Variants in VPS13B observed in about 807,000 individuals in gnomAD.
The protein encoded by VPS13B is intermembrane lipid transfer protein VPS13B.
A neutral mutation model predicts 426.4 loss-of-function variants in VPS13B; 285 were observed. The ratio of observed to expected loss-of-function variants is 0.67; its 90% confidence interval spans 0.61 to 0.74. The LOEUF (loss-of-function observed/expected upper bound fraction) is 0.74, where lower values mean the gene tolerates loss of function less well. Among genes scored for constraint, VPS13B ranks in the 30% least tolerant of loss-of-function variants. The probability of loss-of-function intolerance (pLI) is 0.00; values close to 1 mark genes in which losing one functional copy is unlikely to be tolerated. For synonymous variants in VPS13B, 1,676 were observed against 1,676.4 expected, an observed-to-expected ratio of 1.00 and a Z score of 0.01; for missense variants, 4,537 against 4,782.6, an observed-to-expected ratio of 0.95 and a Z score of 1.51.
intron 30 of VPS13B, among the ~76,000 whole-genome samples, chr8:99,552,602 A>T (rs1824340453): frequency 6.7e-6 from 1 of 148,752 alleles, no homozygotes; most frequent in African/African-American, 2.5e-5. Context: ...CCCTTTACCC[A>T]TTAGTAAGGT....
chr8:99,550,055 G>A (rs1339558649), intron 30 of VPS13B, among the ~76,000 whole-genome samples: 1 of 151,976 alleles, frequency 6.6e-6, no homozygotes, highest in East Asian at 1.9e-4. Flanking sequence ...GTGTTATGAG[G>A]GCAGGGACCA....
At position 99,776,931 on chromosome 8, in the gene VPS13B, T is replaced by C. The variant is rs1337078815; in HGVS notation, c.7404T>C (p.Cys2468=). ...FQFAHLEFHL[C]HHLDQLGTAA... ...TTGCTCACCTGGAATTCCATCTTTG[T>C]CATCACCTTGACCAACTAGGCACAG... The change falls in exon 41 of 62, where the codon TGT becomes TGC. Residue 2468 remains cysteine, a synonymous_variant. Coordinates refer to ENST00000357162, the MANE Select transcript of VPS13B (RefSeq NM_152564.5). The C allele has an allele frequency of 6.2e-7, 1 of 1,614,072 alleles. No homozygotes were observed. The highest frequency in any genetic ancestry group is 1.7e-5 in the Admixed American group (1 of 60,010).
intron 25 of VPS13B, among the ~76,000 whole-genome samples, chr8:99,497,108 TA>T (rs907949663): frequency 7.0e-6 from 1 of 142,734 alleles, no homozygotes; most frequent in Non-Finnish European, 1.5e-5. Context: ...TTATGTAATA[TA>T]AAAATATATT....
chr8:99,275,393 A>G, intron 19 of VPS13B, 139 bp downstream of exon 19: 4 of 778,868 alleles, frequency 5.1e-6, no homozygotes, highest in Non-Finnish European at 7.8e-6. Flanking sequence ...TGCTTTTTCA[A>G]AATTCAAATG....
Position 99,669,042 on chromosome 8 carries a change from A to G in VPS13B, c.6046+7551A>G, listed in dbSNP as rs184524182. ...CCTCACACTGGCATGCTAGCCCTCC[A>G]TAATTGAAAGCAGGGCCACCTGTTC... is the stretch of plus-strand genomic sequence containing the variant. On this transcript the variant is annotated intron_variant, in intron 35 of 61. Transcript: ENST00000357162. Among the ~76,000 whole-genome samples the G allele has an allele frequency of 8.3e-4, 127 of 152,266 alleles. No homozygotes were observed. The East Asian group carries it at 0.011, about 13-fold the overall frequency.
chr8:99,706,788 G>A (rs1049040362), intron 36 of VPS13B, among the ~76,000 whole-genome samples: 1 of 152,120 alleles, frequency 6.6e-6, no homozygotes, highest in African/African-American at 2.4e-5. Context: ...TATTAGGTTA[G>A]TATTAAGTAA....
intron 31 of VPS13B, among the ~76,000 whole-genome samples, chr8:99,573,843 A>G (rs1247084375): frequency 1.3e-5 from 2 of 152,132 alleles, no homozygotes; most frequent in Admixed American, 6.6e-5. Flanking sequence ...GAAGAAAGTC[A>G]TTGGTAGCTT....
intron 16 of VPS13B, among the ~76,000 whole-genome samples, chr8:99,175,015 A>G (rs1812552762): frequency 6.6e-6 from 1 of 152,136 alleles, no homozygotes; most frequent in South Asian, 2.1e-4. Flanking sequence ...TTAATGATTC[A>G]TGTTTGAACT....
chr8:99,834,948 A>C (rs1588764351), intron 52 of VPS13B, among the ~76,000 whole-genome samples: 2 of 151,640 alleles, frequency 1.3e-5, no homozygotes, highest in African/African-American at 4.9e-5. Context: ...AACAACAGGA[A>C]ATATTAGCAC....
intron 33 of VPS13B, among the ~76,000 whole-genome samples, chr8:99,579,696 C>CCTTTCTTT (rs61304858): frequency 3.3e-4 from 50 of 149,960 alleles, no homozygotes; most frequent in African/African-American, 1.1e-3. Flanking sequence ...CCGCGCCTGG[C>CCTTTCTTT]CTTTCTTTCT....
intron 23 of VPS13B, among the ~76,000 whole-genome samples, chr8:99,465,337 G>A (rs1819057715): frequency 6.6e-6 from 1 of 151,484 alleles, no homozygotes; most frequent in Non-Finnish European, 1.5e-5. Context: ...TCATCTTCTA[G>A]GTATAGTGTG....
rs995303371 is a variant in VPS13B, at chr8:99,330,121, G to T, written c.2825-54087G>T. On this transcript the variant is annotated intron_variant, in intron 19 of 61. Transcript: ENST00000357162. ...CATGTCTTCCAAGGATTTTAGAAAA[G>T]AATTTAAAATTGTCTTCAAATATTT... 5.3e-5 allele frequency among the ~76,000 whole-genome samples: 8 copies of T among 152,004 alleles called. 1 individual carries two copies. Among genetic ancestry groups the T allele is most frequent in the Admixed American group, 2.6e-4 (4 of 15,224 alleles).
chr8:99,317,972 T>C (rs1184301138), intron 19 of VPS13B, among the ~76,000 whole-genome samples: 3 of 152,220 alleles, frequency 2.0e-5, no homozygotes, highest in African/African-American at 7.2e-5. Context: ...TTATTCCAAC[T>C]GTGTTTTTTT....
chr8:99,816,450 G>C (rs943022998), intron 44 of VPS13B, among the ~76,000 whole-genome samples: 1 of 152,118 alleles, frequency 6.6e-6, no homozygotes, highest in East Asian at 1.9e-4. Context: ...CTCTTACCTG[G>C]GTGTAAAGTT....
chr8:99,368,199 T>A (rs932989969), intron 19 of VPS13B, among the ~76,000 whole-genome samples: 1 of 152,238 alleles, frequency 6.6e-6, no homozygotes, highest in Non-Finnish European at 1.5e-5. Context: ...TAGCCTTAGT[T>A]TTTGTATCCT....
In VPS13B at chr8:99,581,317, C is replaced by T. The variant is rs545192161; in HGVS notation, c.5220+3684C>T. Among the ~76,000 whole-genome samples, 14 of 152,140 alleles carry T rather than the reference C, an allele frequency of 9.2e-5. No homozygotes were observed. In the South Asian group the frequency reaches 1.2e-3, roughly 14 times the overall value. On this transcript the variant is annotated intron_variant, in intron 33 of 61. Transcript: ENST00000357162. ...CGTAAAGTAATCTGAGGATTCTTGCCAGAACCAATATTTAATATTAATTTT... is the reference window on the plus strand; with the variant it reads ...CGTAAAGTAATCTGAGGATTCTTGCTAGAACCAATATTTAATATTAATTTT...
intron 17 of VPS13B, among the ~76,000 whole-genome samples, chr8:99,271,051 G>A (rs1818564382): frequency 1.3e-5 from 2 of 151,950 alleles, no homozygotes; most frequent in Admixed American, 6.6e-5. Context: ...AGCTCCTAAG[G>A]ATTATTTTGT....
At chr8:99,127,258 C>G (rs1217294535) in intron 8 of VPS13B, among the ~76,000 whole-genome samples, 2 of 152,124 alleles carry the variant, frequency 1.3e-5, no homozygotes, top group Non-Finnish European at 2.9e-5. Flanking sequence ...TACAAACTCC[C>G]AAGGTGATAT....
At chr8:99,615,875 C>T (rs926728297) in intron 33 of VPS13B, among the ~76,000 whole-genome samples, 3 of 152,058 alleles carry the variant, frequency 2.0e-5, no homozygotes, top group South Asian at 2.1e-4. Flanking sequence ...TTCTTTCAAA[C>T]GTTTATTGTC....
Sources: allele counts gnomAD v4.1 joint callset (sites outside exome capture counted in the v4.1 genomes callset), GRCh38; gene constraint gnomAD v4.1.1; transcripts MANE v1.5; gene names NCBI Gene and HGNC (gene_info 2026-07-23, HGNC 2026-07-21).